Variants in EXOC2 observed in about 807,000 individuals in gnomAD.
The protein encoded by EXOC2 is exocyst complex component 2.
A neutral mutation model predicts 131.8 loss-of-function variants in EXOC2; 70 were observed. That is an observed-to-expected ratio of 0.53 (90% CI 0.44 to 0.65). The LOEUF (loss-of-function observed/expected upper bound fraction) is 0.65. Among genes scored for constraint, EXOC2 ranks in the 30% least tolerant of loss-of-function variants. The probability of loss-of-function intolerance (pLI) is 0.00; values close to 1 mark genes in which losing one functional copy is unlikely to be tolerated. For missense variants in EXOC2, 923 were observed against 1,108.6 expected (o/e 0.83, Z 2.38); for synonymous variants, 411 against 398.4 (o/e 1.03, Z -0.38).
intron 1 of EXOC2, among the ~76,000 whole-genome samples, chr6:688,252 T>A (rs1764757080): frequency 6.6e-6 from 1 of 152,180 alleles, no homozygotes; most frequent in African/African-American, 2.4e-5. Flanking sequence ...AAGCGGGTAC[T>A]GATGAGGAAA....
chr6:642,069 CAT>C (rs146742963), intron 1 of EXOC2, among the ~76,000 whole-genome samples: 1,727 of 152,262 alleles, frequency 0.011, 32 homozygotes, highest in African/African-American at 0.04. Flanking sequence ...ACATTCCCCA[CAT>C]GAGCCCATTC....
intron 1 of EXOC2, among the ~76,000 whole-genome samples, chr6:679,875 C>T (rs754983937): frequency 1.3e-5 from 2 of 152,086 alleles, no homozygotes; most frequent in Admixed American, 1.3e-4. Flanking sequence ...GAAAAAGTTC[C>T]TAGAAGGAAG....
chr6:636,055 C>T (rs1004854297), intron 2 of EXOC2, among the ~76,000 whole-genome samples: 11 of 152,366 alleles, frequency 7.2e-5, no homozygotes, highest in Non-Finnish European at 1.2e-4. Context: ...GAGCGAGACT[C>T]CGTCTCAAAA....
At chr6:661,338 A>G (rs1342824793) in intron 1 of EXOC2, among the ~76,000 whole-genome samples, 2 of 152,244 alleles carry the variant, frequency 1.3e-5, no homozygotes, top group Admixed American at 6.5e-5. Flanking sequence ...GCACACTGTC[A>G]TCAGGTTATA....
chr6:500,486 A>G (rs1182547675), intron 23 of EXOC2, among the ~76,000 whole-genome samples: 1 of 152,206 alleles, frequency 6.6e-6, no homozygotes, highest in Non-Finnish European at 1.5e-5. Flanking sequence ...TGTGAGCCTC[A>G]GTTTTCTCAT....
intron 7 of EXOC2, among the ~76,000 whole-genome samples, chr6:600,364 G>C (rs1386810875): frequency 6.6e-6 from 1 of 152,126 alleles, no homozygotes; most frequent in African/African-American, 2.4e-5. Flanking sequence ...CCACACAATG[G>C]AGGCTAAATT....
intron 1 of EXOC2, among the ~76,000 whole-genome samples, chr6:681,036 G>C (rs1482874609): frequency 2.6e-5 from 4 of 152,188 alleles, no homozygotes; most frequent in African/African-American, 9.7e-5. Context: ...TCTGAGAGGG[G>C]TGTCAGCTAG....
At chr6:649,642 A>G (rs1377810404) in intron 1 of EXOC2, among the ~76,000 whole-genome samples, 1 of 152,258 alleles carries the variant, frequency 6.6e-6, no homozygotes, top group Non-Finnish European at 1.5e-5. Flanking sequence ...AACCGTGGAA[A>G]GAGACACTTG....
At chr6:605,982 G>T (rs1454968831) in intron 7 of EXOC2, among the ~76,000 whole-genome samples, 1 of 152,188 alleles carries the variant, frequency 6.6e-6, no homozygotes, top group Non-Finnish European at 1.5e-5. Flanking sequence ...TCAGGAGCAG[G>T]TTGTTCAGTT....
intron 23 of EXOC2, among the ~76,000 whole-genome samples, chr6:524,702 T>C (rs894346842): frequency 1.3e-5 from 2 of 152,228 alleles, no homozygotes; most frequent in African/African-American, 4.8e-5. Context: ...CATTTGGACT[T>C]GGAATTTTCC....
intron 1 of EXOC2, among the ~76,000 whole-genome samples, chr6:645,605 C>G (rs1762545601): frequency 6.6e-6 from 1 of 150,848 alleles, no homozygotes; most frequent in Non-Finnish European, 1.5e-5. Flanking sequence ...TTTTTTTGAG[C>G]AAAAGATTTG....
intron 22 of EXOC2, among the ~76,000 whole-genome samples, chr6:541,520 T>C (rs1581398238): frequency 1.3e-5 from 2 of 151,852 alleles, no homozygotes; most frequent in African/African-American, 4.8e-5. Context: ...AGAATAAAAA[T>C]ACAAACAAGC....
At chr6:591,948 G>T (rs147274336) in intron 11 of EXOC2, among the ~76,000 whole-genome samples, 48 of 152,266 alleles carry the variant, frequency 3.2e-4, no homozygotes, top group African/African-American at 1.1e-3. Context: ...GCTTCTCTGA[G>T]ACATTCCCAC....
intron 23 of EXOC2, among the ~76,000 whole-genome samples, chr6:512,837 T>G (rs1423856873): frequency 6.6e-6 from 1 of 152,156 alleles, no homozygotes; most frequent in Non-Finnish European, 1.5e-5. Context: ...GAAAACAGTA[T>G]CTAACCCCAA....
chr6:529,851 T>C (rs1431319412), intron 23 of EXOC2, among the ~76,000 whole-genome samples: 1 of 152,226 alleles, frequency 6.6e-6, no homozygotes, highest in Non-Finnish European at 1.5e-5. Flanking sequence ...TTAATGTCGT[T>C]ACATGCTAAT....
At chr6:496,784 C>T (rs1763768583) in intron 25 of EXOC2, among the ~76,000 whole-genome samples, 1 of 152,186 alleles carries the variant, frequency 6.6e-6, no homozygotes, top group Admixed American at 6.5e-5. Flanking sequence ...CTGATAGGAG[C>T]TTCCTCAGCC....
chr6:669,603 A>G (rs1763771290), intron 1 of EXOC2: 1 of 152,304 alleles, frequency 6.6e-6, no homozygotes. Context: ...TATTAGAGGA[A>G]AAAGAAAATG....
In EXOC2 at chr6:556,518, T is replaced by G. The variant is rs1757427218; in HGVS notation, c.1898A>C (p.Lys633Thr). 1 of 1,614,000 alleles carries G rather than the reference T, an allele frequency of 6.2e-7. No homozygotes were observed. The highest frequency in any genetic ancestry group is 1.7e-5 in the Admixed American group (1 of 59,998). ...QCIVCSLQSL[K>T]GVLECKPGEA... ...TCCCGGCTTGCACTCCAGAACCCCC[T>G]TCAGTGACTGCAGAGAACACACGAT... Residue 633 changes from lysine (K) to threonine (T), a missense_variant, in exon 18 of 28, where the codon AAG becomes ACG. Lys to Thr is a moderately conservative substitution (Grantham distance 78). Coordinates refer to ENST00000230449, the MANE Select transcript of EXOC2 (RefSeq NM_018303.6).
chr6:658,134 A>G (rs987658632), intron 1 of EXOC2, among the ~76,000 whole-genome samples: 4 of 152,140 alleles, frequency 2.6e-5, no homozygotes, highest in Non-Finnish European at 5.9e-5. Flanking sequence ...GCTGATACAC[A>G]TAATTCACTA....
Sources: gnomAD v4.1 joint callset for allele counts (sites outside exome capture counted in the v4.1 genomes callset) on GRCh38, gnomAD v4.1.1 for gene constraint, MANE v1.5 for transcripts, NCBI Gene and HGNC (gene_info 2026-07-23, HGNC 2026-07-21) for gene names.